Variants in PHTF1 observed in about 807,000 individuals in gnomAD.
PHTF1 encodes the protein putative homeodomain transcription factor 1.
In PHTF1, 88 loss-of-function variants were observed where a neutral mutation model predicts 102.4. The ratio of observed to expected loss-of-function variants is 0.86; its 90% confidence interval spans 0.72 to 1.03. The LOEUF (loss-of-function observed/expected upper bound fraction) is 1.03, where lower values mean the gene tolerates loss of function less well. PHTF1 is among the 50% of genes least tolerant of loss of function. The pLI is 0.00. For missense variants in PHTF1, 814 were observed against 909.5 expected (o/e 0.89, Z 1.35); for synonymous variants, 289 against 305.2 (o/e 0.95, Z 0.55).
intron 8 of PHTF1, 37 bp from the exon 9 acceptor site, chr1:113,712,150 C>A: frequency 1.3e-6 from 2 of 1,537,508 alleles, no homozygotes; most frequent in Non-Finnish European, 1.8e-6. Flanking sequence ...CAGGGGACAG[C>A]CCAAAATATT....
At chr1:113,699,406 T>C (rs1649194400) in intron 17 of PHTF1, 3 of 530,112 alleles carry the variant, frequency 5.7e-6, no homozygotes, top group Non-Finnish European at 1.1e-5. Flanking sequence ...AACCTGGTCC[T>C]TGATGCACAG....
chr1:113,712,131 A>T lies in PHTF1; in HGVS notation c.784-18T>A, dbSNP rs1183633596. On this transcript the variant is annotated intron_variant, in intron 8 of 18. Transcript: ENST00000369604. ...AAAGCCTCCTACAAAGAGAACAGCA[A>T]TACCTTCACAGGGGACAGCCCAAAA... The T allele has an allele frequency of 1.2e-6, 2 of 1,608,418 alleles. No individual in the cohort carries two copies. The highest frequency in any genetic ancestry group is 2.2e-5 in the South Asian group (2 of 90,786).
intron 5 of PHTF1, among the ~76,000 whole-genome samples, chr1:113,733,060 ATTTTTTT>A (rs386368123): frequency 1.2e-5 from 1 of 84,164 alleles, no homozygotes; most frequent in East Asian, 3.2e-4. Context: ...CGCCTGGCTA[ATTTTTTT>A]TTTTTTTTTT....
chr1:113,738,358 C>T (rs1160078666), intron 4 of PHTF1, 90 bp from the exon 5 acceptor site: 2 of 875,986 alleles, frequency 2.3e-6, no homozygotes, highest in Non-Finnish European at 3.5e-6. Context: ...TAGGTGAGTG[C>T]AAAAATCAGC....
chr1:113,731,446 G>A (rs1055918922), intron 5 of PHTF1, among the ~76,000 whole-genome samples: 69 of 151,954 alleles, frequency 4.5e-4, no homozygotes, highest in Admixed American at 3.9e-3. Flanking sequence ...GGCTGAGGCA[G>A]GAGGATTGCC....
chr1:113,701,462 T>C (rs778204766), intron 15 of PHTF1, among the ~76,000 whole-genome samples: 37 of 152,190 alleles, frequency 2.4e-4, no homozygotes, highest in Non-Finnish European at 3.8e-4. Context: ...TTTTTGTTTT[T>C]AAATTTGTTG....
intron 17 of PHTF1, chr1:113,699,501 C>T: frequency 1.5e-6 from 1 of 651,262 alleles, no homozygotes; most frequent in Non-Finnish European, 2.8e-6. Flanking sequence ...CACTCTTTGT[C>T]CTTAATCTTG....
chr1:113,755,506 G>A (rs1357870523), intron 3 of PHTF1, among the ~76,000 whole-genome samples: 1 of 151,926 alleles, frequency 6.6e-6, no homozygotes. Context: ...TCCCACCGCC[G>A]CTAAATTTAA....
intron 2 of PHTF1, 141 bp downstream of exon 2, chr1:113,758,514 CTTTT>C (rs200794989): frequency 4.3e-4 from 142 of 329,894 alleles, no homozygotes; most frequent in Middle Eastern, 8.3e-4. Context: ...CCTTGTACAT[CTTTT>C]TTTTTTTTTT....
chr1:113,744,143 T>A (rs554145262), intron 3 of PHTF1, among the ~76,000 whole-genome samples: 1 of 152,342 alleles, frequency 6.6e-6, no homozygotes, highest in East Asian at 1.9e-4. Flanking sequence ...AATCACTAGT[T>A]GCCAGAGTAG....
intron 7 of PHTF1, among the ~76,000 whole-genome samples, chr1:113,716,035 G>A (rs1284085366): frequency 1.3e-5 from 2 of 152,034 alleles, no homozygotes; most frequent in African/African-American, 2.4e-5. Flanking sequence ...AGAGAGACAG[G>A]AGTATAAAGT....
At chr1:113,724,507 C>T (rs1653509378) in intron 7 of PHTF1, among the ~76,000 whole-genome samples, 2 of 149,034 alleles carry the variant, frequency 1.3e-5, no homozygotes, top group South Asian at 2.1e-4. Flanking sequence ...TGCCATTGCA[C>T]TCCAGCCTGG....
intron 5 of PHTF1, among the ~76,000 whole-genome samples, chr1:113,731,817 A>C (rs1207036935): frequency 6.6e-6 from 1 of 151,070 alleles, no homozygotes; most frequent in Non-Finnish European, 1.5e-5. Context: ...GAATCACTTG[A>C]ACCCGGGTGG....
intron 13 of PHTF1, 76 bp from the exon 14 acceptor site, chr1:113,704,873 C>T: frequency 5.2e-6 from 5 of 968,206 alleles, no homozygotes; most frequent in Non-Finnish European, 7.7e-6. Context: ...CAACGATATT[C>T]CCAGAATACA....
At chr1:113,737,927 A>T (rs1383657145) in intron 5 of PHTF1, among the ~76,000 whole-genome samples, 183 bp downstream of exon 5, 2 of 152,250 alleles carry the variant, frequency 1.3e-5, no homozygotes, top group Non-Finnish European at 2.9e-5. Flanking sequence ...GAGTTACACA[A>T]GTATGTTTGC....
Position 113,712,232 on chromosome 1 carries a change from C to T in PHTF1, c.784-119G>A. ...ACCAAGCAGCAAAAGTAAACTAACC[C>T]AAAACTGAACAAATCCATATATTAC... On this transcript the variant is annotated intron_variant, in intron 8 of 18. Transcript: ENST00000369604. 4 of 674,172 alleles carry T rather than the reference C, an allele frequency of 5.9e-6. No individual in the cohort carries two copies. The South Asian group carries it at 6.0e-5, about 10-fold the overall frequency. 41.8% of individuals were successfully genotyped at this position (674,172 alleles called of 1,614,324 possible). A position where few individuals can be genotyped will look rare whatever the true frequency, so the allele number is the denominator to read the frequency against.
In PHTF1 at chr1:113,704,180, A is replaced by C; in HGVS notation, c.1804-13T>G. 5 of 1,587,184 alleles carry C rather than the reference A, an allele frequency of 3.2e-6. No individual in the cohort carries two copies. Among genetic ancestry groups the C allele is most frequent in the Non-Finnish European group, 4.3e-6 (5 of 1,157,900 alleles). Reference sequence around the variant, plus strand: ...GTGGCCCCCGTCTCTGTGGAGTGAGACACATGTGTTAATGTTTTAGTTACT... The same window carrying C: ...GTGGCCCCCGTCTCTGTGGAGTGAGCCACATGTGTTAATGTTTTAGTTACT... On this transcript the variant is annotated splice_polypyrimidine_tract_variant and intron_variant, in intron 14 of 18. Coordinates refer to ENST00000369604, the MANE Select transcript of PHTF1 (RefSeq NM_001323043.2).
At chr1:113,727,076 C>A (rs1653959299) in intron 5 of PHTF1, among the ~76,000 whole-genome samples, 1 of 151,416 alleles carries the variant, frequency 6.6e-6, no homozygotes, top group African/African-American at 2.4e-5. Context: ...CAAATCAAAG[C>A]ATATATATAA....
intron 5 of PHTF1, among the ~76,000 whole-genome samples, chr1:113,733,759 T>C (rs1477283690): frequency 6.6e-6 from 1 of 152,176 alleles, no homozygotes; most frequent in Non-Finnish European, 1.5e-5. Flanking sequence ...ACCTAGGCCA[T>C]GATATTTTTG....
Sources: allele counts gnomAD v4.1 joint callset (sites outside exome capture counted in the v4.1 genomes callset), GRCh38; gene constraint gnomAD v4.1.1; transcripts MANE v1.5; gene names NCBI Gene and HGNC (gene_info 2026-07-23, HGNC 2026-07-21).